Variants in PGPEP1L observed in about 807,000 individuals in gnomAD.
PGPEP1L encodes pyroglutamyl-peptidase 1-like protein.
A neutral mutation model predicts 6.0 loss-of-function variants in PGPEP1L; 7 were observed. That is an observed-to-expected ratio of 1.17 (90% CI 0.66 to 2.19). The LOEUF (loss-of-function observed/expected upper bound fraction) is 2.19. Ranked by LOEUF, PGPEP1L falls within the 30% of genes most tolerant of loss-of-function variation. The pLI, the probability that PGPEP1L is intolerant of heterozygous loss-of-function variation, is 0.00. For synonymous variants in PGPEP1L, 103 were observed against 83.9 expected (o/e 1.23, Z -1.24); for missense variants, 209 against 192.5 (o/e 1.09, Z -0.51).
chr15:98,968,464 G>A lies in PGPEP1L; in HGVS notation c.*14C>T, dbSNP rs139405553. 3.5e-5 allele frequency: 57 copies of A among 1,608,540 alleles called. No individual in the cohort carries two copies. The East Asian group carries it at 1.1e-3, about 31-fold the overall frequency. ...TTGAAACATTCAATTTTCTCTAGAG[G>A]AGCAATCCCCCGGTCAGTTCCCTTT... On this transcript the variant is annotated 3_prime_UTR_variant, in exon 5 of 5. Transcript: ENST00000535714.
intron 2 of PGPEP1L, among the ~76,000 whole-genome samples, chr15:98,983,168 A>AG (rs2017693194): frequency 5.5e-5 from 5 of 91,374 alleles, no homozygotes; most frequent in Non-Finnish European, 1.6e-4. Flanking sequence ...GAAAAAAAAA[A>AG]AAAGAAGAAT....
chr15:98,968,376 CTT>C lies in PGPEP1L; in HGVS notation c.*100_*101del. On this transcript the variant is annotated 3_prime_UTR_variant, in exon 5 of 5. Coordinates refer to ENST00000535714, the MANE Select transcript of PGPEP1L (RefSeq NM_001167902.2). Reference sequence around the variant, plus strand: ...GGGCTAATTCAGAGTTTTCCACCCTCTTTGTCTTACAAGCAATTTTTGAAAAA... The same window carrying C: ...GGGCTAATTCAGAGTTTTCCACCCTCTGTCTTACAAGCAATTTTTGAAAAA... The C allele has an allele frequency of 1.6e-6, 2 of 1,214,640 alleles. No homozygotes were observed. The highest frequency in any genetic ancestry group is 2.3e-6 in the Non-Finnish European group (2 of 857,646). 75.2% of individuals were successfully genotyped at this position (1,214,640 alleles called of 1,614,324 possible).
Position 99,007,721 on chromosome 15 carries a change from C to T in PGPEP1L, c.-732G>A, listed in dbSNP as rs1224226271. ...CAGTGCGGACCCAAACAGTAAGCAG[C>T]AGCAACGGTTATTGCAAACAAGCAA... On this transcript the variant is annotated 5_prime_UTR_variant, in exon 1 of 5. Coordinates refer to ENST00000535714, the MANE Select transcript of PGPEP1L (RefSeq NM_001167902.2). The T allele has an allele frequency of 3.3e-5, 5 of 152,250 alleles. No homozygotes were observed. The highest frequency in any genetic ancestry group is 5.9e-5 in the Non-Finnish European group (4 of 68,072). The allele number at this position is 152,250 out of a possible 1,614,324, so 9.4% of individuals were successfully genotyped here. A position where few individuals can be genotyped will look rare whatever the true frequency, so the allele number is the denominator to read the frequency against.
intron 2 of PGPEP1L, among the ~76,000 whole-genome samples, chr15:98,972,763 C>T (rs1047777468): frequency 1.1e-4 from 16 of 149,598 alleles, no homozygotes; most frequent in Admixed American, 2.0e-4. Flanking sequence ...CCCAGCTACT[C>T]GGGAGGCTGA....
At chr15:98,973,536 A>G (rs1046438449) in intron 2 of PGPEP1L, among the ~76,000 whole-genome samples, 10 of 152,256 alleles carry the variant, frequency 6.6e-5, no homozygotes. Flanking sequence ...GACTAAAACT[A>G]GAAATCAATA....
intron 2 of PGPEP1L, among the ~76,000 whole-genome samples, chr15:98,979,104 G>A (rs1464015461): frequency 6.6e-6 from 1 of 151,870 alleles, no homozygotes; most frequent in African/African-American, 2.4e-5. Flanking sequence ...CAAGATTCTG[G>A]TCTGGATTCT....
At chr15:98,988,383 A>G (rs1478054460) in intron 2 of PGPEP1L, among the ~76,000 whole-genome samples, 1 of 152,154 alleles carries the variant, frequency 6.6e-6, no homozygotes, top group Non-Finnish European at 1.5e-5. Context: ...GGGAAGTTCA[A>G]ACTGGGCACA....
intron 2 of PGPEP1L, among the ~76,000 whole-genome samples, chr15:99,000,560 C>T (rs2017951109): frequency 6.6e-6 from 1 of 152,206 alleles, no homozygotes; most frequent in Admixed American, 6.5e-5. Context: ...TTTGTAAACA[C>T]ACCAATCAGC....
chr15:99,003,713 C>G (rs1334135337), intron 2 of PGPEP1L, among the ~76,000 whole-genome samples: 1 of 148,036 alleles, frequency 6.8e-6, no homozygotes, highest in African/African-American at 2.6e-5. Context: ...CGGGCATTCC[C>G]AAATCATGGC....
intron 3 of PGPEP1L, among the ~76,000 whole-genome samples, chr15:98,970,700 A>G (rs889203571): frequency 6.6e-6 from 1 of 152,090 alleles, no homozygotes; most frequent in African/African-American, 2.4e-5. Flanking sequence ...TCCACCTTCA[A>G]ACCTACCTGC....
chr15:99,003,255 T>C (rs528388348), intron 2 of PGPEP1L, among the ~76,000 whole-genome samples: 112 of 138,760 alleles, frequency 8.1e-4, no homozygotes, highest in African/African-American at 2.9e-3. Context: ...ATAATAAAAA[T>C]ACAATAAAAA....
chr15:99,004,999 G>A (rs1230986277), intron 2 of PGPEP1L, among the ~76,000 whole-genome samples: 1 of 152,016 alleles, frequency 6.6e-6, no homozygotes, highest in African/African-American at 2.4e-5. Flanking sequence ...AGATGGGTTT[G>A]CAAGCCTTGT....
chr15:99,006,455 C>T (rs1596532334), intron 1 of PGPEP1L, among the ~76,000 whole-genome samples: 1 of 152,248 alleles, frequency 6.6e-6, no homozygotes, highest in African/African-American at 2.4e-5. Flanking sequence ...CTGAAAAAGG[C>T]TAACATTTGA....
chr15:99,001,454 G>C (rs1368456389), intron 2 of PGPEP1L, among the ~76,000 whole-genome samples: 1 of 152,246 alleles, frequency 6.6e-6, no homozygotes, highest in South Asian at 2.1e-4. Flanking sequence ...GTTTCTTTCT[G>C]GGGTGCTGAA....
In PGPEP1L at chr15:98,968,780, C is replaced by T. The variant is rs573656996; in HGVS notation, c.210-83G>A. ...CATACGCAGAAGTGGCAATGCAACA[C>T]CCACAAAGCCTGAGGAGGGAGCACT... On this transcript the variant is annotated intron_variant, in intron 4 of 4. Transcript: ENST00000535714. 5 of 1,285,072 alleles carry T rather than the reference C, an allele frequency of 3.9e-6. No homozygotes were observed. In the South Asian group the frequency reaches 6.6e-5, roughly 17 times the overall value. 79.6% of individuals were successfully genotyped at this position (1,285,072 alleles called of 1,614,324 possible).
intron 2 of PGPEP1L, among the ~76,000 whole-genome samples, chr15:99,001,010 G>T (rs559961300): frequency 6.6e-6 from 1 of 151,972 alleles, no homozygotes; most frequent in Admixed American, 6.6e-5. Context: ...CCACTGGGAG[G>T]AATGAACTCC....
At chr15:98,998,908 G>C (rs11853177) in intron 2 of PGPEP1L, among the ~76,000 whole-genome samples, 2,096 of 152,320 alleles carry the variant, frequency 0.014, 60 homozygotes, top group African/African-American at 0.048. Context: ...CCGGAAGGCA[G>C]AGGTTGCAGT....
At chr15:98,992,913 G>A (rs1043552386) in intron 2 of PGPEP1L, among the ~76,000 whole-genome samples, 3 of 152,132 alleles carry the variant, frequency 2.0e-5, no homozygotes, top group African/African-American at 4.8e-5. Flanking sequence ...GCTGAAACTG[G>A]AACCCTTCCT....
chr15:98,981,229 C>T (rs1034873064), intron 2 of PGPEP1L, among the ~76,000 whole-genome samples: 1 of 151,828 alleles, frequency 6.6e-6, no homozygotes, highest in African/African-American at 2.4e-5. Context: ...GCGGTGGCTC[C>T]CGCCTGTAAT....
Sources: allele counts gnomAD v4.1 joint callset (sites outside exome capture counted in the v4.1 genomes callset), GRCh38; gene constraint gnomAD v4.1.1; transcripts MANE v1.5; gene names NCBI Gene and HGNC (gene_info 2026-07-23, HGNC 2026-07-21).